GOLM2: variants seen among roughly 807,000 people sequenced by gnomAD.
The protein encoded by GOLM2 is golgi membrane protein 2, also known as protein GOLM2.
In GOLM2, 26 loss-of-function variants were observed where a neutral mutation model predicts 55.9. The ratio of observed to expected loss-of-function variants is 0.47; its 90% CI spans 0.34 to 0.65. The LOEUF (loss-of-function observed/expected upper bound fraction) is 0.65. Ranked by LOEUF, GOLM2 falls within the 30% of genes least tolerant of loss-of-function variation. The pLI is 0.01. For missense variants in GOLM2, 486 were observed against 531.8 expected, an observed-to-expected ratio of 0.91 and a Z score of 0.85; for synonymous variants, 165 against 194.6, an observed-to-expected ratio of 0.85 and a Z score of 1.27.
At chr15:44,290,422 A>C (rs1315715827) in intron 1 of GOLM2, among the ~76,000 whole-genome samples, 1 of 152,174 alleles carries the variant, frequency 6.6e-6, no homozygotes, top group Non-Finnish European at 1.5e-5. Context: ...TATGAATTAA[A>C]CTGTCTGTGA....
chr15:44,313,878 G>GA (rs374239624), intron 1 of GOLM2, among the ~76,000 whole-genome samples: 2 of 151,868 alleles, frequency 1.3e-5, no homozygotes, highest in African/African-American at 2.4e-5. Flanking sequence ...ATGAGTGAAT[G>GA]AAAAAAAACT....
intron 1 of GOLM2, among the ~76,000 whole-genome samples, chr15:44,322,322 G>A (rs934203334): frequency 9.2e-5 from 14 of 152,124 alleles, no homozygotes; most frequent in African/African-American, 2.2e-4. Flanking sequence ...AGCTGAGATC[G>A]CACCACTGCA....
chr15:44,356,076 A>G (rs1404345075), intron 6 of GOLM2, among the ~76,000 whole-genome samples: 1 of 152,180 alleles, frequency 6.6e-6, no homozygotes, highest in Non-Finnish European at 1.5e-5. Context: ...GGATGCAGTG[A>G]AAGTCATGCT....
chr15:44,347,697 C>A (rs1390033844), intron 6 of GOLM2, among the ~76,000 whole-genome samples: 1 of 152,136 alleles, frequency 6.6e-6, no homozygotes, highest in African/African-American at 2.4e-5. Flanking sequence ...CTTGCGGGGG[C>A]ACACAACCTA....
chr15:44,372,715 C>T (rs2079336432), intron 6 of GOLM2, among the ~76,000 whole-genome samples: 1 of 152,140 alleles, frequency 6.6e-6, no homozygotes, highest in South Asian at 2.1e-4. Flanking sequence ...GATACAGTCC[C>T]AGCCCCCAGT....
intron 8 of GOLM2, among the ~76,000 whole-genome samples, chr15:44,394,625 C>A (rs1229548552): frequency 6.6e-6 from 1 of 152,136 alleles, no homozygotes; most frequent in Admixed American, 6.6e-5. Context: ...AATTCAAAAG[C>A]CAGTCAATAG....
At chr15:44,353,251 G>A (rs1041179084) in intron 6 of GOLM2, among the ~76,000 whole-genome samples, 2 of 152,148 alleles carry the variant, frequency 1.3e-5, no homozygotes, top group Non-Finnish European at 2.9e-5. Context: ...TGCTAACAAG[G>A]ATATGGAGAA....
At chr15:44,323,350 G>A (rs1394062475) in intron 2 of GOLM2, among the ~76,000 whole-genome samples, 1 of 152,042 alleles carries the variant, frequency 6.6e-6, no homozygotes, top group Non-Finnish European at 1.5e-5. Context: ...GGTGAGAAGT[G>A]TTCCCTCTGT....
At chr15:44,317,002 T>C (rs1443300976) in intron 1 of GOLM2, among the ~76,000 whole-genome samples, 1 of 152,062 alleles carries the variant, frequency 6.6e-6, no homozygotes. Context: ...TATTCAACTA[T>C]AGATTGAATT....
intron 2 of GOLM2, among the ~76,000 whole-genome samples, chr15:44,326,060 G>A (rs2078978571): frequency 6.6e-6 from 1 of 151,736 alleles, no homozygotes; most frequent in Admixed American, 6.6e-5. Context: ...TCAGGAGTTC[G>A]AGACCAGCCT....
intron 8 of GOLM2, among the ~76,000 whole-genome samples, chr15:44,385,892 G>T (rs2079440977): frequency 6.6e-6 from 1 of 152,022 alleles, no homozygotes; most frequent in Admixed American, 6.6e-5. Context: ...TATTTGTCTT[G>T]GTTGTTGAGT....
Position 44,400,870 on chromosome 15 carries a change from T to C in GOLM2, c.1073-2017T>C, listed in dbSNP as rs1021191751. On this transcript the variant is annotated intron_variant, in intron 8 of 9. Coordinates refer to ENST00000299957, the MANE Select transcript of GOLM2 (RefSeq NM_138423.4). ...GATTACGGGCGTGAGCCACCACGCC[T>C]GGCCACACCCGCCCTTCTTTAAAAG... Among the ~76,000 whole-genome samples the C allele has an allele frequency of 5.9e-5, 9 of 152,108 alleles. No individual in the cohort carries two copies. The East Asian group carries it at 1.4e-3, about 23-fold the overall frequency.
chr15:44,375,996 G>A lies in GOLM2; in HGVS notation c.803-3694G>A, dbSNP rs145982640. On this transcript the variant is annotated intron_variant, in intron 6 of 9. Coordinates refer to ENST00000299957, the MANE Select transcript of GOLM2 (RefSeq NM_138423.4). ...TCACGCCTGTAATCCCAGCACTTTGGGAGGCCGAGGTGGGCGGATCACCTG... is the reference window on the plus strand; with the variant it reads ...TCACGCCTGTAATCCCAGCACTTTGAGAGGCCGAGGTGGGCGGATCACCTG... 6.3e-3 allele frequency among the ~76,000 whole-genome samples: 965 copies of A among 152,212 alleles called. 5 individuals carry two copies. Among genetic ancestry groups the A allele is most frequent in the Non-Finnish European group, 0.011 (749 of 68,008 alleles).
chr15:44,346,667 CTGT>C (rs1044736566), intron 6 of GOLM2, among the ~76,000 whole-genome samples: 23 of 152,274 alleles, frequency 1.5e-4, no homozygotes, highest in African/African-American at 5.3e-4. Flanking sequence ...GTAGAAAGTT[CTGT>C]TGGACAGTAC....
intron 1 of GOLM2, among the ~76,000 whole-genome samples, chr15:44,298,870 A>C (rs1335625107): frequency 1.3e-5 from 2 of 152,218 alleles, no homozygotes; most frequent in Non-Finnish European, 2.9e-5. Context: ...TAATCAAGTT[A>C]AAATGAGGTC....
At position 44,288,793 on chromosome 15, in the gene GOLM2, G is replaced by T. The variant is rs557356821; in HGVS notation, c.-237G>T. ...GTTCTCCCGGTTCCCTTGGGCAGGT[G>T]CAGGGTCGGGTTCAAAGCCTCCGGA... On this transcript the variant is annotated 5_prime_UTR_variant, in exon 1 of 10. Transcript: ENST00000299957. 6 of 552,982 alleles carry T rather than the reference G, an allele frequency of 1.1e-5. No homozygotes were observed. The South Asian group carries it at 1.1e-4, about 10-fold the overall frequency. The allele number at this position is 552,982 out of a possible 1,614,324, so 34.3% of individuals were successfully genotyped here.
At chr15:44,346,251 A>G (rs1332696318) in intron 6 of GOLM2, 2 of 152,012 alleles carry the variant, frequency 1.3e-5, no homozygotes, top group Non-Finnish European at 2.9e-5. Flanking sequence ...TTTGTAAGAT[A>G]ACAGATTTTC....
At chr15:44,302,146 AT>A (rs374509457) in intron 1 of GOLM2, among the ~76,000 whole-genome samples, 7,599 of 141,006 alleles carry the variant, frequency 0.054, 225 homozygotes, top group African/African-American at 0.1. Context: ...TTTACATTTA[AT>A]TTTTTTTTTT....
intron 8 of GOLM2, among the ~76,000 whole-genome samples, chr15:44,386,925 A>G (rs1268619738): frequency 6.6e-6 from 1 of 152,088 alleles, no homozygotes. Flanking sequence ...CTGTAATCCC[A>G]GCACTTTGGG....
Sources: allele counts gnomAD v4.1 joint callset (sites outside exome capture counted in the v4.1 genomes callset), GRCh38; gene constraint gnomAD v4.1.1; transcripts MANE v1.5; gene names NCBI Gene and HGNC (gene_info 2026-07-23, HGNC 2026-07-21).